SEL1L: variants seen among roughly 807,000 people sequenced by gnomAD.
SEL1L encodes the protein protein sel-1 homolog 1.
SEL1L carries 52 observed loss-of-function variants against 109.8 expected under a neutral mutation model. The observed-to-expected ratio is 0.47, with a 90% CI of 0.38 to 0.60. The LOEUF (loss-of-function observed/expected upper bound fraction) is 0.60. SEL1L is among the 20% of genes least tolerant of loss of function. SEL1L has a pLI of 0.00. For synonymous variants in SEL1L, 373 were observed against 339.6 expected (o/e 1.10, Z -1.08); for missense variants, 749 against 962.2 (o/e 0.78, Z 2.93).
In SEL1L at chr14:81,533,702, G is replaced by A. The variant is rs138951571; in HGVS notation, c.43C>T (p.Leu15=). The change falls in exon 1 of 21, where the codon CTG becomes TTG. Residue 15 remains leucine, a synonymous_variant. Coordinates refer to ENST00000336735, the MANE Select transcript of SEL1L (RefSeq NM_005065.6). ...IGLTLLLCAV[L]LSLASASSDE... ...GAGGACGCCGAGGCCAAGCTCAGCA[G>A]CACCGCACACAGCAGCAGCGTCAGC... is the stretch of plus-strand genomic sequence containing the variant. 213 of 1,613,552 alleles carry A rather than the reference G, an allele frequency of 1.3e-4. 1 individual carries two copies. In the African/African-American group the frequency reaches 2.4e-3, roughly 18 times the overall value.
At chr14:81,488,343 G>A (rs1186905920) in intron 14 of SEL1L, among the ~76,000 whole-genome samples, 1 of 152,024 alleles carries the variant, frequency 6.6e-6, no homozygotes, top group East Asian at 1.9e-4. Flanking sequence ...CAAACACTAT[G>A]ACTATTATAC....
intron 19 of SEL1L, among the ~76,000 whole-genome samples, chr14:81,481,118 G>C (rs529053759): frequency 3.0e-4 from 46 of 152,282 alleles, no homozygotes; most frequent in African/African-American, 1.1e-3. Flanking sequence ...CCCTGTGTTA[G>C]ATATATTTCT....
rs1484989987 is a variant in SEL1L, at chr14:81,495,076, G to C, written c.1185+5C>G. ...GATGCAAAGCCCTAGGAACAGGGTA[G>C]TTACCTGATGATTCTGTTCTACTCC... On this transcript the variant is annotated splice_donor_5th_base_variant and intron_variant, in intron 11 of 20. Transcript: ENST00000336735. 6.2e-7 allele frequency: 1 copy of C among 1,613,406 alleles called. No individual in the cohort carries two copies. The highest frequency in any genetic ancestry group is 2.2e-5 in the East Asian group (1 of 44,878).
chr14:81,498,330 A>G lies in SEL1L; in HGVS notation c.973+83T>C. The G allele has an allele frequency of 1.4e-5, 17 of 1,185,566 alleles. No homozygotes were observed. The Middle Eastern group carries it at 2.0e-3, about 138-fold the overall frequency. 73.4% of individuals were successfully genotyped at this position (1,185,566 alleles called of 1,614,324 possible). A position where few individuals can be genotyped will look rare whatever the true frequency, so the allele number is the denominator to read the frequency against. On this transcript the variant is annotated intron_variant, in intron 9 of 20. Coordinates refer to ENST00000336735, the MANE Select transcript of SEL1L (RefSeq NM_005065.6). ...TAAAAGAGCCATTTATAATACTTCA[A>G]ATAGAACAATAAAAATAGAAATGTT...
intron 3 of SEL1L, among the ~76,000 whole-genome samples, chr14:81,526,517 C>A (rs1595537707): frequency 6.6e-6 from 1 of 152,168 alleles, no homozygotes; most frequent in African/African-American, 2.4e-5. Context: ...AATGCAATCT[C>A]ATCTATTGAA....
intron 3 of SEL1L, among the ~76,000 whole-genome samples, chr14:81,508,076 T>C (rs1480978520): frequency 6.6e-6 from 1 of 151,832 alleles, no homozygotes; most frequent in Non-Finnish European, 1.5e-5. Context: ...GTAATAAGAG[T>C]TCAAGAGATG....
chr14:81,500,098 A>G (rs1303421067), intron 6 of SEL1L, among the ~76,000 whole-genome samples: 1 of 151,898 alleles, frequency 6.6e-6, no homozygotes, highest in Non-Finnish European at 1.5e-5. Context: ...TTTGGTAGAG[A>G]CAGGGTTTCA....
chr14:81,483,886 T>C (rs1903436638), intron 19 of SEL1L, among the ~76,000 whole-genome samples: 1 of 152,228 alleles, frequency 6.6e-6, no homozygotes, highest in Non-Finnish European at 1.5e-5. Flanking sequence ...AGAATACATT[T>C]AATTCATTTC....
intron 14 of SEL1L, among the ~76,000 whole-genome samples, chr14:81,488,147 A>T (rs1002487311): frequency 3.9e-5 from 6 of 152,216 alleles, no homozygotes; most frequent in Non-Finnish European, 5.9e-5. Context: ...AAGAAAAGTA[A>T]ATAGAGTTTT....
intron 6 of SEL1L, among the ~76,000 whole-genome samples, chr14:81,500,661 C>CGCTATAG (rs770989191): frequency 6.6e-6 from 1 of 152,126 alleles, no homozygotes; most frequent in Admixed American, 6.5e-5. Context: ...AGACAACTCC[C>CGCTATAG]GCTATAGGTA....
Position 81,484,394 on chromosome 14 carries a change from T to C in SEL1L, c.1877A>G (p.Tyr626Cys). Residue 626 changes from tyrosine to cysteine, a missense_variant, in exon 19 of 21, where the codon TAT becomes TGT. Physicochemically the swap from Tyr to Cys is radical, Grantham distance 194 (BLOSUM62 -2). This residue lies in a region of SEL1L where 383 missense variants were observed against 562.5 expected (regional missense o/e 0.68). Transcript: ENST00000336735. ...LHWNRAASQGYTVARIKLGDY... is the reference protein window; with the variant it reads ...LHWNRAASQGCTVARIKLGDY... ...TCCGAGCTTAATTCTAGCCACAGTA[T>C]AGCCTTAAACAAAAGTTAAATGCAG... The C allele has an allele frequency of 2.5e-6, 4 of 1,610,072 alleles. No individual in the cohort carries two copies. Among genetic ancestry groups the C allele is most frequent in the Non-Finnish European group, 2.5e-6 (3 of 1,176,656 alleles).
intron 11 of SEL1L, among the ~76,000 whole-genome samples, chr14:81,494,617 C>A (rs964310011): frequency 3.9e-5 from 6 of 152,292 alleles, no homozygotes; most frequent in African/African-American, 1.4e-4. Context: ...GGCCTATGCA[C>A]ATACCGTTCT....
intron 9 of SEL1L, 21 bp downstream of exon 9, chr14:81,498,392 T>TAAA (rs1478900563): frequency 6.3e-7 from 1 of 1,578,018 alleles, no homozygotes; most frequent in Non-Finnish European, 8.7e-7. Flanking sequence ...TCCTAAAAGG[T>TAAA]AAAAGGGGAA....
rs141896601 is a variant in SEL1L at position 81,489,473 on chromosome 14, C to T, written c.1333-159G>A. ...ACTTTCTTCTTCTCATCAGACTAAA[C>T]ATAATATTGACTTTTAGACATCTGG... On this transcript the variant is annotated intron_variant, in intron 13 of 20. Coordinates refer to ENST00000336735, the MANE Select transcript of SEL1L (RefSeq NM_005065.6). Among the ~76,000 whole-genome samples the T allele has an allele frequency of 1.2e-3, 184 of 152,290 alleles. 1 individual carries two copies. The highest frequency in any genetic ancestry group is 4.3e-3 in the African/African-American group (178 of 41,554).
chr14:81,498,869 G>C (rs1221991799), intron 8 of SEL1L: 1 of 167,338 alleles, frequency 6.0e-6, no homozygotes, highest in Non-Finnish European at 1.3e-5. Context: ...CAAAGAAAAA[G>C]TAACAAATTA....
chr14:81,519,470 A>G (rs61986627), intron 3 of SEL1L, among the ~76,000 whole-genome samples: 24,543 of 152,234 alleles, frequency 0.16, 2,449 homozygotes, highest in Middle Eastern at 0.22. Context: ...AGAAATAGCA[A>G]GAGGGCAAGT....
rs999994351 is a variant in SEL1L, at chr14:81,532,090, A to C, written c.70+1585T>G. Among the ~76,000 whole-genome samples the C allele has an allele frequency of 8.5e-5, 13 of 152,220 alleles. 1 individual carries two copies. The highest frequency in any genetic ancestry group is 8.5e-4 in the Admixed American group (13 of 15,288). On this transcript the variant is annotated intron_variant, in intron 1 of 20. Transcript: ENST00000336735. Reference sequence around the variant, plus strand: ...TTTATTACAACATCCTGAAAGCCCCAACTGTTGATCTTCAAATATCTTTTC... The same window carrying C: ...TTTATTACAACATCCTGAAAGCCCCCACTGTTGATCTTCAAATATCTTTTC...
In SEL1L at chr14:81,499,462, A is replaced by C; in HGVS notation, c.888T>G (p.Val296=). The change falls in exon 8 of 21, where the codon GTT becomes GTG. Residue 296 remains valine, a synonymous_variant. Coordinates refer to ENST00000336735, the MANE Select transcript of SEL1L (RefSeq NM_005065.6). Reference sequence around the variant, plus strand: ...CCTTCCACTAAAGTCTACTTACCAAAACCATGTGGGCTATTAGATTGCCCC... The same window carrying C: ...CCTTCCACTAAAGTCTACTTACCAACACCATGTGGGCTATTAGATTGCCCC... ...ALGGNLIAHM[V]LGYRYWAGIG... 1.2e-6 allele frequency: 2 copies of C among 1,610,646 alleles called. No homozygotes were observed. Among genetic ancestry groups the C allele is most frequent in the Non-Finnish European group, 1.7e-6 (2 of 1,179,018 alleles).
In SEL1L at chr14:81,499,392, G is replaced by C. The variant is rs956140809; in HGVS notation, c.891+67C>G. 31 of 1,567,124 alleles carry C rather than the reference G, an allele frequency of 2.0e-5. No individual in the cohort carries two copies. In the East Asian group the frequency reaches 5.0e-4, roughly 25 times the overall value. ...CTGGATCATGAAAGCTGAAAAAGTT[G>C]TGGCCGCTATAAACCACAAATTCTT... On this transcript the variant is annotated intron_variant, in intron 8 of 20. Coordinates refer to ENST00000336735, the MANE Select transcript of SEL1L (RefSeq NM_005065.6).
Sources: allele counts gnomAD v4.1 joint callset (sites outside exome capture counted in the v4.1 genomes callset), GRCh38; gene constraint gnomAD v4.1.1; regional missense constraint gnomAD v4.1.1; transcripts MANE v1.5; gene names NCBI Gene and HGNC (gene_info 2026-07-23, HGNC 2026-07-21).